Variants in KCNG3 observed in about 807,000 individuals in gnomAD.
KCNG3 encodes voltage-gated potassium channel regulatory subunit KCNG3.
In KCNG3, 15 loss-of-function variants were observed where a neutral mutation model predicts 29.0. The ratio of observed to expected loss-of-function variants is 0.52; its 90% confidence interval spans 0.35 to 0.80. KCNG3 has a LOEUF of 0.80. Ranked by LOEUF, KCNG3 falls within the 30% of genes least tolerant of loss-of-function variation. The pLI is 0.01. For synonymous variants in KCNG3, 322 were observed against 248.9 expected (o/e 1.29, Z -2.76); for missense variants, 512 against 605.7 (o/e 0.85, Z 1.62).
At chr2:42,472,392 T>C (rs1371646389) in intron 1 of KCNG3, among the ~76,000 whole-genome samples, 2 of 152,186 alleles carry the variant, frequency 1.3e-5, no homozygotes, top group Non-Finnish European at 2.9e-5. Flanking sequence ...AATCATATAT[T>C]AAATGTATTT....
the KCNG3 span, among the ~76,000 whole-genome samples, chr2:42,434,401 A>G: frequency 7.3e-6 from 1 of 136,730 alleles, no homozygotes; most frequent in Non-Finnish European, 1.5e-5. Context: ...TGAGGTTGCA[A>G]TGAGGAGTGA....
In KCNG3 at chr2:42,452,243, A is replaced by ATATATATATATATT; in HGVS notation, c.666-7665_666-7664insAATATATATATATA. On this transcript the variant is annotated intron_variant, in intron 1 of 1. Coordinates refer to ENST00000306078, the MANE Select transcript of KCNG3 (RefSeq NM_133329.6). ...TAAATATATATATATATATATATAT[A>ATATATATATATATT]TTTTTTTTTTTTTTTTAAAGGAAAC... is the stretch of plus-strand genomic sequence containing the variant. 9.6e-3 allele frequency among the ~76,000 whole-genome samples: 914 copies of ATATATATATATATT among 94,906 alleles called. 9 individuals are homozygous for ATATATATATATATT. Among genetic ancestry groups the ATATATATATATATT allele is most frequent in the East Asian group, 0.014 (30 of 2,178 alleles). 62.3% of individuals were successfully genotyped at this position (94,906 alleles called of 152,430 possible). A position where few individuals can be genotyped will look rare whatever the true frequency, so the allele number is the denominator to read the frequency against.
At chr2:42,408,565 T>G in the KCNG3 span, among the ~76,000 whole-genome samples, 7 of 152,128 alleles carry the variant, frequency 4.6e-5, no homozygotes, top group Non-Finnish European at 4.4e-5. Context: ...GTCTCCTCTT[T>G]GCTAGGAGCT....
At position 42,455,705 on chromosome 2, in the gene KCNG3, G is replaced by T. The variant is rs116150344; in HGVS notation, c.666-11126C>A. ...GATCACTTGGGCCCAGGAGCTTGGG[G>T]CTGCAGTGAACTATGACTGCTCCAT... On this transcript the variant is annotated intron_variant, in intron 1 of 1. Coordinates refer to ENST00000306078, the MANE Select transcript of KCNG3 (RefSeq NM_133329.6). 4.0e-3 allele frequency among the ~76,000 whole-genome samples: 611 copies of T among 152,208 alleles called. 2 individuals carry two copies. Among genetic ancestry groups the T allele is most frequent in the Non-Finnish European group, 6.8e-3 (461 of 68,008 alleles).
At chr2:42,482,750 T>G (rs577963956) in intron 1 of KCNG3, among the ~76,000 whole-genome samples, 1 of 151,974 alleles carries the variant, frequency 6.6e-6, no homozygotes, top group Admixed American at 6.6e-5. Flanking sequence ...AAAAACACTC[T>G]AGATGGTGAC....
rs1210170874 is a variant in KCNG3, at chr2:42,459,194, C to T, written c.666-14615G>A. Among the ~76,000 whole-genome samples the T allele has an allele frequency of 4.3e-5, 5 of 117,388 alleles. 1 individual carries two copies. The East Asian group carries it at 8.5e-4, about 20-fold the overall frequency. The allele number at this position is 117,388 out of a possible 152,430, so 77.0% of individuals were successfully genotyped here. On this transcript the variant is annotated intron_variant, in intron 1 of 1. Transcript: ENST00000306078. ...CTGGGCAACAAGAGCGAAACTCCAT[C>T]GTCTCAAAAAAAAAAAAAAATAGAG...
chr2:42,491,625 GA>G (rs1358839832), intron 1 of KCNG3, among the ~76,000 whole-genome samples: 3 of 152,116 alleles, frequency 2.0e-5, no homozygotes, highest in African/African-American at 7.2e-5. Flanking sequence ...TAAACAAAAT[GA>G]GTTTCCTAAT....
the KCNG3 span, among the ~76,000 whole-genome samples, chr2:42,399,101 G>A: frequency 1.4e-5 from 2 of 138,128 alleles, no homozygotes; most frequent in African/African-American, 5.6e-5. Flanking sequence ...CTGTCACCCA[G>A]GCTGGAGTGC....
chr2:42,487,729 A>G (rs961608181), intron 1 of KCNG3, among the ~76,000 whole-genome samples: 2 of 152,216 alleles, frequency 1.3e-5, no homozygotes, highest in African/African-American at 4.8e-5. Flanking sequence ...TTACAAGTGC[A>G]TATCTCCTTT....
the KCNG3 span, among the ~76,000 whole-genome samples, chr2:42,417,428 C>T: frequency 3.3e-5 from 5 of 151,892 alleles, no homozygotes; most frequent in African/African-American, 1.2e-4. Context: ...TCAAGTGATC[C>T]TCCTGCCTCA....
chr2:42,391,918 CTT>C, the KCNG3 span, among the ~76,000 whole-genome samples: 6 of 152,130 alleles, frequency 3.9e-5, no homozygotes, highest in African/African-American at 9.7e-5. Flanking sequence ...TTTTATATCT[CTT>C]GTCTTTGATG....
intron 1 of KCNG3, among the ~76,000 whole-genome samples, chr2:42,457,803 A>G (rs1212541951): frequency 6.6e-6 from 1 of 151,368 alleles, no homozygotes; most frequent in Non-Finnish European, 1.5e-5. Flanking sequence ...GTAACAGAGT[A>G]AGACCCTATC....
intron 1 of KCNG3, among the ~76,000 whole-genome samples, chr2:42,482,133 C>G (rs956386577): frequency 3.3e-5 from 5 of 152,168 alleles, no homozygotes; most frequent in African/African-American, 1.2e-4. Context: ...AATAGGTGGT[C>G]ATTGAAAGCA....
chr2:42,473,835 CTT>C (rs1001853223), intron 1 of KCNG3, among the ~76,000 whole-genome samples: 3 of 152,034 alleles, frequency 2.0e-5, no homozygotes, highest in Non-Finnish European at 4.4e-5. Flanking sequence ...GCTGTAATGA[CTT>C]AGCACCAACA....
At position 42,487,156 on chromosome 2, in the gene KCNG3, C is replaced by CAAAA. The variant is rs1194994891; in HGVS notation, c.665+5677_665+5680dup. 5.9e-5 allele frequency among the ~76,000 whole-genome samples: 4 copies of CAAAA among 67,992 alleles called. No individual in the cohort carries two copies. The Admixed American group carries it at 6.6e-4, about 11-fold the overall frequency. 44.6% of individuals were successfully genotyped at this position (67,992 alleles called of 152,430 possible). ...TGGGTGACAGAGCAAGACTCTGTCT[C>CAAAA]AAAAAAAAAAAAAAAAAAGAATTCA... is the stretch of plus-strand genomic sequence containing the variant. On this transcript the variant is annotated intron_variant, in intron 1 of 1. Coordinates refer to ENST00000306078, the MANE Select transcript of KCNG3 (RefSeq NM_133329.6).
the KCNG3 span, among the ~76,000 whole-genome samples, chr2:42,404,968 T>C: frequency 6.6e-6 from 1 of 152,164 alleles, no homozygotes; most frequent in African/African-American, 2.4e-5. Flanking sequence ...GACTCTGAGT[T>C]TGGCAGCAAA....
At chr2:42,456,623 T>A (rs1020884245) in intron 1 of KCNG3, among the ~76,000 whole-genome samples, 3 of 152,146 alleles carry the variant, frequency 2.0e-5, no homozygotes, top group Non-Finnish European at 4.4e-5. Flanking sequence ...CTTAAAAACA[T>A]TTTAAAAGAA....
chr2:42,398,629 C>A, the KCNG3 span, among the ~76,000 whole-genome samples: 1 of 152,138 alleles, frequency 6.6e-6, no homozygotes, highest in African/African-American at 2.4e-5. Flanking sequence ...AGGTTCATTC[C>A]TTTTACTCTG....
At chr2:42,395,653 G>A in the KCNG3 span, among the ~76,000 whole-genome samples, 4 of 152,238 alleles carry the variant, frequency 2.6e-5, no homozygotes, top group African/African-American at 9.6e-5. Context: ...TGAAAATGTT[G>A]TAAATTGAAA....
Sources: gnomAD v4.1 joint callset for allele counts (sites outside exome capture counted in the v4.1 genomes callset) on GRCh38, gnomAD v4.1.1 for gene constraint, MANE v1.5 for transcripts, NCBI Gene and HGNC (gene_info 2026-07-23, HGNC 2026-07-21) for gene names.